SLC17A3: variants seen among roughly 807,000 people sequenced by gnomAD.
The protein encoded by SLC17A3 is solute carrier family 17 member 3.
SLC17A3 carries 61 observed loss-of-function variants against 60.3 expected under a neutral mutation model. The ratio of observed to expected loss-of-function variants is 1.01; its 90% CI spans 0.82 to 1.25. The LOEUF is 1.25. SLC17A3 is among the 50% of genes most tolerant of loss of function. SLC17A3 has a pLI of 0.00. For missense variants in SLC17A3, 624 were observed against 594.9 expected (o/e 1.05, Z -0.51); for synonymous variants, 192 against 208.9 (o/e 0.92, Z 0.70).
chr6:25,861,733 T>C (rs757038753), intron 4 of SLC17A3, 22 bp from the exon 5 acceptor site: 2 of 1,611,978 alleles, frequency 1.2e-6, no homozygotes, highest in East Asian at 2.2e-5. Context: ...ATGATTAGAG[T>C]TCTTAATGTG....
rs544150139 is a variant in SLC17A3, at chr6:25,864,948, A to G, written c.92-2504T>C. Among the ~76,000 whole-genome samples the G allele has an allele frequency of 2.0e-5, 3 of 152,068 alleles. No individual in the cohort carries two copies. In the South Asian group the frequency reaches 6.2e-4, roughly 32 times the overall value. ...AAAGTGAAAAGGAATGGGTGGTGGG[A>G]TAAGAAGAAAACCAGGAGAGTGCGG... is the stretch of plus-strand genomic sequence containing the variant. On this transcript the variant is annotated intron_variant, in intron 2 of 12. Transcript: ENST00000397060.
At position 25,857,531 on chromosome 6, in the gene SLC17A3, G is replaced by A. The variant is rs546709038; in HGVS notation, c.626-2301C>T. Among the ~76,000 whole-genome samples, 8 of 145,248 alleles carry A rather than the reference G, an allele frequency of 5.5e-5. No individual in the cohort carries two copies. In the South Asian group the frequency reaches 1.5e-3, roughly 28 times the overall value. On this transcript the variant is annotated intron_variant, in intron 5 of 12. Transcript: ENST00000397060. ...ACCTCTACGTTTACTCTTTTGTTTA[G>A]AAGATCTTTTCCTACCACATAACGT...
intron 1 of SLC17A3, among the ~76,000 whole-genome samples, chr6:25,871,500 C>T (rs1414599506): frequency 5.4e-5 from 3 of 55,950 alleles, no homozygotes; most frequent in East Asian, 9.3e-4. Context: ...GGGGTGGGGG[C>T]GGGGGAGGGA....
chr6:25,850,230 C>A (rs1270882082), intron 8 of SLC17A3, 53 bp from the exon 9 acceptor site: 4 of 1,565,470 alleles, frequency 2.6e-6, no homozygotes, highest in Admixed American at 3.5e-5. Context: ...GAGACCACAA[C>A]TTTTGTTGAT....
intron 11 of SLC17A3, among the ~76,000 whole-genome samples, chr6:25,847,465 T>C (rs1765197213): frequency 6.6e-6 from 1 of 152,186 alleles, no homozygotes. Context: ...AGATCTGTTT[T>C]TAGCTCTTTG....
In SLC17A3 at chr6:25,863,349, G is replaced by C. The variant is rs147964073; in HGVS notation, c.92-905C>G. Among the ~76,000 whole-genome samples, 101 of 152,128 alleles carry C rather than the reference G, an allele frequency of 6.6e-4. 1 individual carries two copies. Among genetic ancestry groups the C allele is most frequent in the African/African-American group, 2.3e-3 (95 of 41,526 alleles). ...CAACATTATATTAAGTGAGTAGAAGGTATCCTGGCAGAACACAGCTAACAG... is the reference window on the plus strand; with the variant it reads ...CAACATTATATTAAGTGAGTAGAAGCTATCCTGGCAGAACACAGCTAACAG... On this transcript the variant is annotated intron_variant, in intron 2 of 12. Coordinates refer to ENST00000397060, the MANE Select transcript of SLC17A3 (RefSeq NM_001098486.2).
chr6:25,868,804 A>T (rs1765583128), intron 1 of SLC17A3, among the ~76,000 whole-genome samples: 2 of 151,980 alleles, frequency 1.3e-5, no homozygotes, highest in African/African-American at 4.8e-5. Context: ...GCTTAAACAG[A>T]TTGCACATGC....
chr6:25,855,656 C>T (rs963388533), intron 5 of SLC17A3, among the ~76,000 whole-genome samples: 1 of 152,120 alleles, frequency 6.6e-6, no homozygotes. Context: ...TAATATATAT[C>T]TACACATAGT....
chr6:25,867,080 GCTCAGTTGATAGAAAT>G (rs913784764), intron 2 of SLC17A3, among the ~76,000 whole-genome samples: 102 of 151,996 alleles, frequency 6.7e-4, no homozygotes, highest in African/African-American at 2.3e-3. Context: ...GTCTTCCCCA[GCTCAGTTGATAGAAAT>G]CTCATTCTTC....
At chr6:25,872,214 A>G (rs1161714082) in intron 1 of SLC17A3, among the ~76,000 whole-genome samples, 2 of 151,214 alleles carry the variant, frequency 1.3e-5, no homozygotes, top group Non-Finnish European at 2.9e-5. Flanking sequence ...CATCTCTTGT[A>G]TCTATATGGT....
At chr6:25,855,005 T>A in intron 6 of SLC17A3, 139 bp downstream of exon 6, 1 of 682,554 alleles carries the variant, frequency 1.5e-6, no homozygotes, top group Non-Finnish European at 2.6e-6. Context: ...GACTAATTAT[T>A]CCCTTAGATT....
chr6:25,849,514 A>G (rs773885425), intron 10 of SLC17A3, 50 bp from the exon 11 acceptor site: 8 of 1,112,666 alleles, frequency 7.2e-6, no homozygotes, highest in Non-Finnish European at 1.1e-5. Flanking sequence ...GTTTGACAGT[A>G]TCCTTCAGCC....
intron 1 of SLC17A3, among the ~76,000 whole-genome samples, chr6:25,871,904 T>C (rs1765647768): frequency 6.6e-6 from 1 of 151,952 alleles, no homozygotes; most frequent in South Asian, 2.1e-4. Flanking sequence ...GGAAAAATTA[T>C]GTAAATAGAT....
Position 25,850,595 on chromosome 6 carries a change from G to T in SLC17A3, c.857C>A (p.Pro286His). The T allele has an allele frequency of 6.2e-7, 1 of 1,613,970 alleles. No individual in the cohort carries two copies. Among genetic ancestry groups the T allele is most frequent in the Middle Eastern group, 1.7e-4 (1 of 6,060 alleles). Residue 286 changes from proline (P) to histidine (H), a missense_variant, in exon 8 of 13, where the codon CCC becomes CAC. Physicochemically the swap from Pro to His is moderately conservative, Grantham distance 77 (BLOSUM62 -2). Transcript: ENST00000397060. ...TAGAGATCTGAGCATAGCTTTGATG[G>T]GAAGAGGCTGCTTAGAAGACCCGAC... ...QQVGSSKQPL[P>H]IKAMLRSLPI...
intron 2 of SLC17A3, among the ~76,000 whole-genome samples, chr6:25,865,453 T>C (rs1765519122): frequency 2.0e-5 from 3 of 152,008 alleles, no homozygotes; most frequent in African/African-American, 7.2e-5. Flanking sequence ...TGACTTCCTC[T>C]ATCAATCAAG....
In SLC17A3 at chr6:25,845,373, C is replaced by T. The variant is rs938007622; in HGVS notation, c.*2+7G>A. ...CTATAACCATGCATAAAATCACTAT[C>T]CTTTACCTTCATAAACGAGTGAGTT... On this transcript the variant is annotated splice_region_variant and intron_variant, in intron 12 of 12. Coordinates refer to ENST00000397060, the MANE Select transcript of SLC17A3 (RefSeq NM_001098486.2). The T allele has an allele frequency of 6.2e-7, 1 of 1,613,688 alleles. No homozygotes were observed. Among genetic ancestry groups the T allele is most frequent in the Admixed American group, 1.7e-5 (1 of 59,994 alleles).
intron 6 of SLC17A3, among the ~76,000 whole-genome samples, chr6:25,851,809 T>C (rs1765282527): frequency 6.6e-6 from 1 of 152,164 alleles, no homozygotes; most frequent in South Asian, 2.1e-4. Flanking sequence ...TTATAATATG[T>C]CTTGACATCA....
chr6:25,872,590 A>ATT (rs1195745566), intron 1 of SLC17A3, among the ~76,000 whole-genome samples: 1 of 147,636 alleles, frequency 6.8e-6, no homozygotes, highest in Non-Finnish European at 1.5e-5. Context: ...ATACATATAT[A>ATT]TATATTTATA....
intron 5 of SLC17A3, among the ~76,000 whole-genome samples, chr6:25,860,264 A>G (rs532126706): frequency 6.6e-6 from 1 of 151,928 alleles, no homozygotes; most frequent in South Asian, 2.1e-4. Context: ...AAAGTTTCCT[A>G]TCTACAATAG....
Sources: allele counts gnomAD v4.1 joint callset (sites outside exome capture counted in the v4.1 genomes callset), GRCh38; gene constraint gnomAD v4.1.1; transcripts MANE v1.5; gene names NCBI Gene and HGNC (gene_info 2026-07-23, HGNC 2026-07-21).